The following ADARB1 variants were observed in gnomAD, a reference collection of about 807,000 sequenced individuals.
The protein encoded by ADARB1 is double-stranded RNA-specific editase 1.
ADARB1 carries 10 observed loss-of-function variants against 52.4 expected under a neutral mutation model. That is an observed-to-expected ratio of 0.19 (90% CI 0.12 to 0.32). ADARB1 has a LOEUF of 0.32. Among genes scored for constraint, ADARB1 ranks in the 10% least tolerant of loss-of-function variants. The pLI, the probability that ADARB1 is intolerant of heterozygous loss-of-function variation, is 1.00. For synonymous variants in ADARB1, 349 were observed against 371.1 expected, an observed-to-expected ratio of 0.94 and a Z score of 0.68; for missense variants, 643 against 922.3, an observed-to-expected ratio of 0.70 and a Z score of 3.92.
rs1232655127 is a variant in ADARB1 at position 45,224,828 on chromosome 21, A to G, written c.*2631A>G. On this transcript the variant is annotated 3_prime_UTR_variant, in exon 11 of 11. Coordinates refer to ENST00000348831, the MANE Select transcript of ADARB1 (RefSeq NM_001112.4). Reference sequence around the variant, plus strand: ...ATCAGAAAAAAAATAAACAAAATACAGAACGCTGACTCCTCCGTGAGACAG... The same window carrying G: ...ATCAGAAAAAAAATAAACAAAATACGGAACGCTGACTCCTCCGTGAGACAG... 1 of 985,508 alleles carries G rather than the reference A, an allele frequency of 1.0e-6. No homozygotes were observed. Among genetic ancestry groups the G allele is most frequent in the Non-Finnish European group, 1.2e-6 (1 of 829,922 alleles). 61.0% of individuals were successfully genotyped at this position (985,508 alleles called of 1,614,324 possible). A position where few individuals can be genotyped will look rare whatever the true frequency, so the allele number is the denominator to read the frequency against.
chr21:45,079,664 T>G (rs2086077268), intron 1 of ADARB1, among the ~76,000 whole-genome samples: 1 of 152,254 alleles, frequency 6.6e-6, no homozygotes. Flanking sequence ...TAAAAGCAAC[T>G]TGTCAGGGTT....
Position 45,204,489 on chromosome 21 carries a change from C to G in ADARB1, c.1566-66C>G. ...CAGTGCATCCCTGTAACCACGCAGG[C>G]TTGGGCTGGGCTGCGTCGACACTGA... is the stretch of plus-strand genomic sequence containing the variant. On this transcript the variant is annotated intron_variant, in intron 8 of 10. Coordinates refer to ENST00000348831, the MANE Select transcript of ADARB1 (RefSeq NM_001112.4). This position sits in a 1 kb window ranked among gnomAD's most constrained non-coding sequence, Gnocchi z 4.4. 1 of 1,537,490 alleles carries G rather than the reference C, an allele frequency of 6.5e-7. No homozygotes were observed.
In ADARB1 at chr21:45,220,605, GTGGGTCAGTTC is replaced by G. The variant is rs1179289481; in HGVS notation, c.1748-228_1748-218del. Among the ~76,000 whole-genome samples, 1 of 152,220 alleles carries G rather than the reference GTGGGTCAGTTC, an allele frequency of 6.6e-6. No homozygotes were observed. The highest frequency in any genetic ancestry group is 1.5e-5 in the Non-Finnish European group (1 of 68,040). On this transcript the variant is annotated intron_variant, in intron 9 of 10. Transcript: ENST00000348831. The surrounding 1 kb of genome is among the most constrained non-coding windows in gnomAD (Gnocchi z 6.3). Reference sequence around the variant, plus strand: ...TGCCCTGTCAGACAAGTGCATACCCGTGGGTCAGTTCTGCTTTCTCAGCACTGCTCCTATTC... The same window carrying G: ...TGCCCTGTCAGACAAGTGCATACCCGTGCTTTCTCAGCACTGCTCCTATTC...
intron 1 of ADARB1, among the ~76,000 whole-genome samples, chr21:45,087,163 C>T (rs1022334417): frequency 1.3e-5 from 2 of 152,244 alleles, no homozygotes; most frequent in Non-Finnish European, 2.9e-5. Context: ...ATTCAGCCTA[C>T]AACACCACAG....
intron 2 of ADARB1, among the ~76,000 whole-genome samples, chr21:45,131,954 C>T (rs1248110985): frequency 1.3e-5 from 2 of 152,284 alleles, no homozygotes; most frequent in South Asian, 2.1e-4. Flanking sequence ...ATGGGCAGTC[C>T]GGGTGGATGG....
At chr21:45,219,235 C>G (rs1010082500) in intron 9 of ADARB1, among the ~76,000 whole-genome samples, 4 of 152,168 alleles carry the variant, frequency 2.6e-5, no homozygotes, top group Non-Finnish European at 4.4e-5. Flanking sequence ...CCCTAAAGAA[C>G]TGAATGGTGG....
intron 2 of ADARB1, among the ~76,000 whole-genome samples, chr21:45,159,334 A>G (rs1413463381): frequency 2.0e-5 from 3 of 152,292 alleles, no homozygotes; most frequent in African/African-American, 7.2e-5. Context: ...GTATGGGGGA[A>G]ACTGCACCTG....
At chr21:45,177,917 A>T (rs1414707500) in intron 4 of ADARB1, among the ~76,000 whole-genome samples, 2 of 152,176 alleles carry the variant, frequency 1.3e-5, no homozygotes, top group African/African-American at 4.8e-5. Flanking sequence ...TTCCCTTATT[A>T]ACCTCTCGTC....
At chr21:45,117,771 C>A (rs187165466) in intron 1 of ADARB1, among the ~76,000 whole-genome samples, 13 of 152,272 alleles carry the variant, frequency 8.5e-5, no homozygotes, top group Admixed American at 2.6e-4. Flanking sequence ...TGGTAAAAAA[C>A]ACATTGCAGC....
chr21:45,132,002 G>GT (rs1388670677), intron 2 of ADARB1, among the ~76,000 whole-genome samples: 6 of 152,250 alleles, frequency 3.9e-5, no homozygotes, highest in African/African-American at 1.4e-4. Flanking sequence ...GCACATTATT[G>GT]TAAGGATGCT....
At chr21:45,203,727 T>C (rs1277233506) in intron 8 of ADARB1, among the ~76,000 whole-genome samples, 1 of 152,232 alleles carries the variant, frequency 6.6e-6, no homozygotes, top group Non-Finnish European at 1.5e-5. Context: ...TCAGTGCCAT[T>C]GTCACTTGCA....
At position 45,074,598 on chromosome 21, in the gene ADARB1, TGGCGGC is replaced by T. The variant is rs920665976; in HGVS notation, c.-396_-391del. 4.1e-4 allele frequency: 60 copies of T among 145,362 alleles called. No individual in the cohort carries two copies. The highest frequency in any genetic ancestry group is 1.3e-3 in the African/African-American group (50 of 39,958). The allele number at this position is 145,362 out of a possible 1,614,324, so 9.0% of individuals were successfully genotyped here. A position where few individuals can be genotyped will look rare whatever the true frequency, so the allele number is the denominator to read the frequency against. On this transcript the variant is annotated 5_prime_UTR_variant, in exon 1 of 11. Coordinates refer to ENST00000348831, the MANE Select transcript of ADARB1 (RefSeq NM_001112.4). ...CGGGGCTGAGGCGCTGAGGCGGCCG[TGGCGGC>T]GGCGGCGGCGGCGGCGGCAGCGGCG...
At chr21:45,191,172 A>G (rs565210005) in intron 8 of ADARB1, among the ~76,000 whole-genome samples, 16 of 152,308 alleles carry the variant, frequency 1.1e-4, no homozygotes, top group Admixed American at 2.6e-4. Context: ...TGTTAACCTT[A>G]TGGCCAGCAA....
chr21:45,077,034 T>C (rs12152096), intron 1 of ADARB1, among the ~76,000 whole-genome samples: 53,686 of 152,174 alleles, frequency 0.35, 9,671 homozygotes, highest in East Asian at 0.4. Flanking sequence ...TGCACCCAAT[T>C]GTGTATTGTC....
chr21:45,213,015 G>A lies in ADARB1; in HGVS notation c.1748-7821G>A, dbSNP rs116551830. Among the ~76,000 whole-genome samples the A allele has an allele frequency of 6.9e-3, 1,051 of 152,276 alleles. 16 individuals are homozygous for A. The highest frequency in any genetic ancestry group is 0.024 in the African/African-American group (1,006 of 41,558). On this transcript the variant is annotated intron_variant, in intron 9 of 10. Transcript: ENST00000348831. ...GGTGTTGGGATTTTGCAGTGCACAG[G>A]ACAAACAAAACCTCTTCCTCATGGA...
rs2092519977 is a variant in ADARB1 at position 45,200,217 on chromosome 21, AGGTTGGGGGTGGGGT to A, written c.1566-4335_1566-4321del. ...CAGGCAGAGGGCCCAGGGCCATGGT[AGGTTGGGGGTGGGGT>A]GGGAGCCACAGCACTGCCATTGGAG... is the stretch of plus-strand genomic sequence containing the variant. On this transcript the variant is annotated intron_variant, in intron 8 of 10. Coordinates refer to ENST00000348831, the MANE Select transcript of ADARB1 (RefSeq NM_001112.4). This position sits in a 1 kb window ranked among gnomAD's most constrained non-coding sequence, Gnocchi z 5.0. Among the ~76,000 whole-genome samples, 1 of 152,022 alleles carries A rather than the reference AGGTTGGGGGTGGGGT, an allele frequency of 6.6e-6. No homozygotes were observed. The highest frequency in any genetic ancestry group is 2.4e-5 in the African/African-American group (1 of 41,384).
At chr21:45,097,645 G>C (rs532190392) in intron 1 of ADARB1, among the ~76,000 whole-genome samples, 13 of 152,274 alleles carry the variant, frequency 8.5e-5, no homozygotes, top group African/African-American at 3.1e-4. Flanking sequence ...TGGCCATGTG[G>C]CAAGGTGGAA....
intron 2 of ADARB1, among the ~76,000 whole-genome samples, chr21:45,169,976 T>G (rs1165952826): frequency 6.6e-6 from 1 of 152,198 alleles, no homozygotes; most frequent in Non-Finnish European, 1.5e-5. Flanking sequence ...ACTGCAGGGG[T>G]CTTGCCCTCT....
intron 1 of ADARB1, among the ~76,000 whole-genome samples, chr21:45,106,737 A>G (rs1446535279): frequency 6.6e-6 from 1 of 152,252 alleles, no homozygotes; most frequent in East Asian, 1.9e-4. Context: ...GTTGAGAACA[A>G]ATACGGCTGG....
Sources: gnomAD v4.1 joint callset for allele counts (sites outside exome capture counted in the v4.1 genomes callset) on GRCh38, gnomAD v4.1.1 for gene constraint, Gnocchi (gnomAD v3.1) non-coding constraint, MANE v1.5 for transcripts, NCBI Gene and HGNC (gene_info 2026-07-23, HGNC 2026-07-21) for gene names.